Variants in FBXL2 observed in about 807,000 individuals in gnomAD.
The protein encoded by FBXL2 is F-box and leucine rich repeat protein 2.
A neutral mutation model predicts 69.2 loss-of-function variants in FBXL2; 38 were observed. That is an observed-to-expected ratio of 0.55 (90% CI 0.42 to 0.72). The LOEUF (loss-of-function observed/expected upper bound fraction) is 0.72. FBXL2 is among the 30% of genes least tolerant of loss of function. FBXL2 has a pLI of 0.00. For missense variants in FBXL2, 354 were observed against 520.3 expected (o/e 0.68, Z 3.11); for synonymous variants, 192 against 201.3 (o/e 0.95, Z 0.39).
chr3:33,304,542 A>AT (rs1049137838), intron 2 of FBXL2, among the ~76,000 whole-genome samples: 3 of 151,448 alleles, frequency 2.0e-5, no homozygotes, highest in African/African-American at 7.3e-5. Context: ...CTAAAATTTT[A>AT]TTTTTTCCCC....
At chr3:33,335,595 C>T (rs867772352) in intron 2 of FBXL2, among the ~76,000 whole-genome samples, 2 of 152,198 alleles carry the variant, frequency 1.3e-5, no homozygotes. Context: ...CACTGTTATT[C>T]TGGTGATAGA....
chr3:33,355,066 A>G (rs2041100874), intron 2 of FBXL2, among the ~76,000 whole-genome samples: 3 of 152,128 alleles, frequency 2.0e-5, no homozygotes, highest in Middle Eastern at 3.4e-3. Flanking sequence ...AGTAGCTGGG[A>G]CTATGGGCAT....
At chr3:33,303,902 C>A (rs1270390272) in intron 2 of FBXL2, among the ~76,000 whole-genome samples, 2 of 151,408 alleles carry the variant, frequency 1.3e-5, no homozygotes, top group Admixed American at 6.6e-5. Flanking sequence ...TATTTAAATA[C>A]AAATCAAAAT....
chr3:33,328,391 A>G (rs980619338), intron 2 of FBXL2, among the ~76,000 whole-genome samples: 15 of 152,204 alleles, frequency 9.9e-5, no homozygotes, highest in Admixed American at 4.6e-4. Context: ...CAAATAGGCA[A>G]AACAATCCTG....
chr3:33,374,490 T>C (rs527900360), intron 9 of FBXL2, among the ~76,000 whole-genome samples: 147 of 152,302 alleles, frequency 9.7e-4, no homozygotes, highest in Non-Finnish European at 1.8e-3. Context: ...GGAACATAGA[T>C]TTTGAGAAAG....
At chr3:33,413,842 C>A in the FBXL2 span, among the ~76,000 whole-genome samples, 3 of 152,150 alleles carry the variant, frequency 2.0e-5, no homozygotes, top group Non-Finnish European at 4.4e-5. Context: ...ATCACCTGAC[C>A]AGAGCAAAGC....
At chr3:33,293,125 G>A (rs1039691321) in intron 1 of FBXL2, among the ~76,000 whole-genome samples, 1 of 152,148 alleles carries the variant, frequency 6.6e-6, no homozygotes, top group African/African-American at 2.4e-5. Flanking sequence ...CAAAGTGCTG[G>A]GATTACAGGT....
At chr3:33,341,054 G>A (rs1180121370) in intron 2 of FBXL2, among the ~76,000 whole-genome samples, 1 of 152,166 alleles carries the variant, frequency 6.6e-6, no homozygotes, top group Non-Finnish European at 1.5e-5. Flanking sequence ...CCATTTTACA[G>A]CTCTTAATAA....
chr3:33,287,272 A>ATTTTT (rs975995957), intron 1 of FBXL2, among the ~76,000 whole-genome samples: 3 of 151,894 alleles, frequency 2.0e-5, no homozygotes, highest in Admixed American at 1.3e-4. Context: ...GAAAGTAGAG[A>ATTTTT]TTTCTCTATT....
At chr3:33,380,092 G>A (rs1222257328) in intron 13 of FBXL2, among the ~76,000 whole-genome samples, 1 of 151,908 alleles carries the variant, frequency 6.6e-6, no homozygotes, top group African/African-American at 2.4e-5. Context: ...GGGCGTGGTG[G>A]CACACGCCTG....
intron 2 of FBXL2, among the ~76,000 whole-genome samples, chr3:33,301,495 T>C (rs4234254): frequency 0.18 from 27,176 of 152,232 alleles, 3,171 homozygotes; most frequent in East Asian, 0.48. Flanking sequence ...CTCTCTGTTA[T>C]CACTTTGAAT....
At chr3:33,408,059 TG>T (rs1292644330), downstream of FBXL2, among the ~76,000 whole-genome samples, 2 of 152,058 alleles carry the variant, frequency 1.3e-5, no homozygotes, top group East Asian at 3.9e-4. Flanking sequence ...TACACTACTT[TG>T]GCCTGAAGCA....
intron 5 of FBXL2, chr3:33,372,529 GCCTTGCTACCAAC>G (rs1238734223): frequency 6.3e-6 from 1 of 159,060 alleles, no homozygotes; most frequent in Non-Finnish European, 1.4e-5. Flanking sequence ...GCTGCTTCTG[GCCTTGCTACCAAC>G]CCACAGATCA....
chr3:33,417,296 CCCCACCT>C, the FBXL2 span, among the ~76,000 whole-genome samples: 3 of 151,956 alleles, frequency 2.0e-5, no homozygotes, highest in Non-Finnish European at 4.4e-5. Flanking sequence ...CTCCCCCACC[CCCCACCT>C]GGCCAACTGC....
At chr3:33,280,396 A>G (rs1349614386) in intron 1 of FBXL2, among the ~76,000 whole-genome samples, 2 of 152,160 alleles carry the variant, frequency 1.3e-5, no homozygotes, top group African/African-American at 4.8e-5. Context: ...TTTTAGTTTC[A>G]TATTCTACAA....
At chr3:33,314,508 A>G (rs1447080773) in intron 2 of FBXL2, among the ~76,000 whole-genome samples, 1 of 152,208 alleles carries the variant, frequency 6.6e-6, no homozygotes, top group Non-Finnish European at 1.5e-5. Context: ...TATTATGGCT[A>G]GAGAATATTC....
At chr3:33,359,160 T>C (rs2041429757) in intron 3 of FBXL2, 123 bp from the exon 4 acceptor site, 3 of 935,410 alleles carry the variant, frequency 3.2e-6, no homozygotes, top group Non-Finnish European at 4.7e-6. Flanking sequence ...CATTTGATGA[T>C]TAACTTAATA....
chr3:33,315,472 TC>T (rs1185011121), intron 2 of FBXL2, among the ~76,000 whole-genome samples: 1 of 152,060 alleles, frequency 6.6e-6, no homozygotes, highest in Non-Finnish European at 1.5e-5. Flanking sequence ...ATGTGCTTTT[TC>T]CAAAGTTGGA....
chr3:33,302,967 A>T, intron 2 of FBXL2: 1 of 390,428 alleles, frequency 2.6e-6, no homozygotes, highest in South Asian at 1.9e-5. Flanking sequence ...AATCATTAAG[A>T]TATAGCCCAG....
Sources: allele counts gnomAD v4.1 joint callset (sites outside exome capture counted in the v4.1 genomes callset), GRCh38; gene constraint gnomAD v4.1.1; transcripts MANE v1.5; gene names NCBI Gene and HGNC (gene_info 2026-07-23, HGNC 2026-07-21).